YIF1A: variants seen among roughly 807,000 people sequenced by gnomAD.
The protein encoded by YIF1A is protein YIF1A.
Under a neutral mutation model 32.6 loss-of-function variants are expected in YIF1A, and 28 were observed. That is an observed-to-expected ratio of 0.86 (90% CI 0.64 to 1.18). The LOEUF (loss-of-function observed/expected upper bound fraction) is 1.18. Among genes scored for constraint, YIF1A ranks in the 50% most tolerant of loss-of-function variants. The pLI is 0.00. For synonymous variants in YIF1A, 175 were observed against 162.2 expected, an observed-to-expected ratio of 1.08 and a Z score of -0.60; for missense variants, 373 against 390.8, an observed-to-expected ratio of 0.95 and a Z score of 0.38.
rs1292343738 is a variant in YIF1A at position 66,284,723 on chromosome 11, G to A, written c.796C>T (p.Gln266Ter). ...AGAGTCAGGTAGAGCTGGAGACGCT[G>A]CCGGGGGACGGGGCCCCCCATGCTG... ...PDSMGGPVPRQRLQLYLTLGA... is the reference protein window; with the variant it reads ...PDSMGGPVPR The change falls in exon 8 of 8, where the codon CAG becomes TAG. Residue 266 changes from glutamine to a stop codon, truncating the protein, a stop_gained. Coordinates refer to ENST00000376901, the MANE Select transcript of YIF1A (RefSeq NM_020470.3). LOFTEE classifies it high-confidence loss of function. 6.2e-7 allele frequency: 1 copy of A among 1,612,378 alleles called. No homozygotes were observed. The highest frequency in any genetic ancestry group is 1.3e-5 in the African/African-American group (1 of 74,942).
chr11:66,286,471 G>A (rs905257813), intron 4 of YIF1A, among the ~76,000 whole-genome samples: 1 of 152,150 alleles, frequency 6.6e-6, no homozygotes, highest in African/African-American at 2.4e-5. Context: ...ACAAAAATTA[G>A]CTGGGCCTGG....
At chr11:66,285,615 G>A (rs1857343661) in intron 5 of YIF1A, 79 bp from the exon 6 acceptor site, 2 of 1,610,254 alleles carry the variant, frequency 1.2e-6, no homozygotes, top group Non-Finnish European at 1.7e-6. Context: ...AACAGAGGGT[G>A]AGCTGGGGAC....
At chr11:66,285,620 G>T (rs1857343909) in intron 5 of YIF1A, 81 bp downstream of exon 5, 2 of 1,609,980 alleles carry the variant, frequency 1.2e-6, no homozygotes. Flanking sequence ...AGGGTGAGCT[G>T]GGGACCACCA....
Position 66,284,704 on chromosome 11 carries a change from A to G in YIF1A, c.815T>C (p.Leu272Pro). 1 of 1,612,716 alleles carries G rather than the reference A, an allele frequency of 6.2e-7. No individual in the cohort carries two copies. The highest frequency in any genetic ancestry group is 1.1e-5 in the South Asian group (1 of 91,080). The change falls in exon 8 of 8, where the codon CTG (leucine) becomes CCG (proline). Residue 272 changes from leucine to proline, a missense_variant. Leu to Pro is a moderately conservative substitution (Grantham distance 98, BLOSUM62 -3). Transcript: ENST00000376901. ...PVPRQRLQLY[L>P]TLGAAAFQPL... is the part of the protein sequence containing the mutation. Reference sequence around the variant, plus strand: ...CTGGAAGGCTGCAGCTCCCAGAGTCAGGTAGAGCTGGAGACGCTGCCGGGG... The same window carrying G: ...CTGGAAGGCTGCAGCTCCCAGAGTCGGGTAGAGCTGGAGACGCTGCCGGGG...
intron 6 of YIF1A, 46 bp from the exon 7 acceptor site, chr11:66,285,012 G>T (rs1314549212): frequency 1.3e-6 from 2 of 1,594,466 alleles, no homozygotes; most frequent in Non-Finnish European, 8.6e-7. Flanking sequence ...AGGGGTCTAG[G>T]CCTGAGATTG....
At position 66,287,828 on chromosome 11, in the gene YIF1A, A is replaced by T; in HGVS notation, c.332T>A (p.Phe111Tyr). Residue 111 changes from phenylalanine to tyrosine, a missense_variant, in exon 3 of 8, where the codon TTC becomes TAC. Coordinates refer to ENST00000376901, the MANE Select transcript of YIF1A (RefSeq NM_020470.3). ...YVAKKLGLLV[F>Y]PYTHQNWEVQ... ...GAAGCTCACCTGGTGTGTGTAGGGG[A>T]AGACCAGCAGCCCTAGCTTCTTGGC... is the stretch of plus-strand genomic sequence containing the variant. 1 of 1,614,076 alleles carries T rather than the reference A, an allele frequency of 6.2e-7. No homozygotes were observed. Among genetic ancestry groups the T allele is most frequent in the Non-Finnish European group, 8.5e-7 (1 of 1,180,002 alleles).
rs764896928 is a variant in YIF1A at position 66,289,001 on chromosome 11, T to C, written c.-16A>G. The stretch of plus-strand genomic sequence containing the variant: ...GATAAGCCATGGCCGCGACGCTCGC[T>C]GTCCCCGAGGGCCCGCTGCGCCGCC... On this transcript the variant is annotated 5_prime_UTR_variant, in exon 1 of 8. Coordinates refer to ENST00000376901, the MANE Select transcript of YIF1A (RefSeq NM_020470.3). 20 of 1,578,614 alleles carry C rather than the reference T, an allele frequency of 1.3e-5. No individual in the cohort carries two copies. The South Asian group carries it at 2.2e-4, about 17-fold the overall frequency.
intron 2 of YIF1A, 27 bp from the exon 3 acceptor site, chr11:66,287,943 G>T (rs746638657): frequency 6.2e-7 from 1 of 1,610,132 alleles, no homozygotes; most frequent in Non-Finnish European, 8.5e-7. Context: ...GAAGCTGTGG[G>T]CAAGCCGCAC....
At position 66,284,720 on chromosome 11, in the gene YIF1A, G is replaced by A. The variant is rs765119564; in HGVS notation, c.799C>T (p.Arg267Cys). Residue 267 changes from arginine to cysteine, a missense_variant, in exon 8 of 8, where the codon CGT (arginine) becomes TGT (cysteine). Transcript: ENST00000376901. ...CCCAGAGTCAGGTAGAGCTGGAGAC[G>A]CTGCCGGGGGACGGGGCCCCCCATG... ...DSMGGPVPRQ[R>C]LQLYLTLGAA... The A allele has an allele frequency of 9.3e-6, 15 of 1,612,452 alleles. No homozygotes were observed. Among genetic ancestry groups the A allele is most frequent in the East Asian group, 6.7e-5 (3 of 44,872 alleles).
chr11:66,287,988 C>T lies in YIF1A; in HGVS notation c.244-72G>A, dbSNP rs188618377. 208 of 1,606,210 alleles carry T rather than the reference C, an allele frequency of 1.3e-4. No individual in the cohort carries two copies. The Middle Eastern group carries it at 2.2e-3, about 17-fold the overall frequency. Reference sequence around the variant, plus strand: ...CAGGGTGCCCCTCTGTGTGCTCCATCCCTGAGGGCACTGTGAGGAATCGGG... The same window carrying T: ...CAGGGTGCCCCTCTGTGTGCTCCATTCCTGAGGGCACTGTGAGGAATCGGG... On this transcript the variant is annotated intron_variant, in intron 2 of 7. Coordinates refer to ENST00000376901, the MANE Select transcript of YIF1A (RefSeq NM_020470.3).
At chr11:66,285,250 C>G (rs1329329746) in intron 6 of YIF1A, 131 bp downstream of exon 6, 1 of 1,362,916 alleles carries the variant, frequency 7.3e-7, no homozygotes, top group Admixed American at 2.2e-5. Flanking sequence ...CTGCTGGAGA[C>G]AGCTGCTCCC....
Position 66,284,863 on chromosome 11 carries a change from C to T in YIF1A, c.735+10G>A. On this transcript the variant is annotated intron_variant, in intron 7 of 7. Transcript: ENST00000376901. Reference sequence around the variant, plus strand: ...GAAGGCAGGGGAATGGGGGGGTGCACCAGACTCACAATGAAGTACATGAGC... The same window carrying T: ...GAAGGCAGGGGAATGGGGGGGTGCATCAGACTCACAATGAAGTACATGAGC... 1 of 1,613,024 alleles carries T rather than the reference C, an allele frequency of 6.2e-7. No individual in the cohort carries two copies. Among genetic ancestry groups the T allele is most frequent in the African/African-American group, 1.3e-5 (1 of 75,012 alleles).
At chr11:66,287,556 A>G in intron 4 of YIF1A, 42 bp downstream of exon 4, 6 of 1,274,098 alleles carry the variant, frequency 4.7e-6, no homozygotes, top group African/African-American at 1.5e-5. Flanking sequence ...GTCCCCCCCG[A>G]CCCCACCCCA....
intron 6 of YIF1A, 51 bp downstream of exon 6, chr11:66,285,330 C>G: frequency 6.3e-7 from 1 of 1,588,606 alleles, no homozygotes. Context: ...GAGGCTACAG[C>G]TATGCAGGCC....
chr11:66,285,664 C>T (rs915410057), intron 5 of YIF1A, 37 bp downstream of exon 5: 8 of 1,612,534 alleles, frequency 5.0e-6, no homozygotes, highest in Non-Finnish European at 5.9e-6. Flanking sequence ...GAAGAGCTCA[C>T]AGGGAGGGGA....
chr11:66,285,308 G>A (rs977019374), intron 6 of YIF1A, 73 bp downstream of exon 6: 1 of 1,562,968 alleles, frequency 6.4e-7, no homozygotes, highest in African/African-American at 1.4e-5. Context: ...GACATGTCCA[G>A]GGTCACAGTT....
At position 66,288,762 on chromosome 11, in the gene YIF1A, CG is replaced by C. The variant is rs561263350; in HGVS notation, c.31+192del. ...GGCGGACCCCGTTTTTGCCCGACTC[CG>C]GCATGGGATTCCCAGGACTGGGCCG... On this transcript the variant is annotated intron_variant, in intron 1 of 7. Coordinates refer to ENST00000376901, the MANE Select transcript of YIF1A (RefSeq NM_020470.3). Among the ~76,000 whole-genome samples, 535 of 152,342 alleles carry C rather than the reference CG, an allele frequency of 3.5e-3. 5 individuals carry two copies. The highest frequency in any genetic ancestry group is 0.012 in the African/African-American group (512 of 41,582).
intron 4 of YIF1A, chr11:66,287,143 T>C (rs1256087578): frequency 6.0e-6 from 1 of 166,066 alleles, no homozygotes; most frequent in Admixed American, 5.6e-5. Flanking sequence ...GCAATAACGA[T>C]GATAAGAGTT....
At chr11:66,287,561 A>G in intron 4 of YIF1A, 37 bp downstream of exon 4, 2 of 1,040,082 alleles carry the variant, frequency 1.9e-6, no homozygotes, top group Non-Finnish European at 1.4e-6. Context: ...CCCCGACCCC[A>G]CCCCACCACG....
Sources: allele counts gnomAD v4.1 joint callset (sites outside exome capture counted in the v4.1 genomes callset), GRCh38; gene constraint gnomAD v4.1.1; transcripts MANE v1.5; gene names NCBI Gene and HGNC (gene_info 2026-07-23, HGNC 2026-07-21).